RXRA: variants seen among roughly 807,000 people sequenced by gnomAD.
RXRA encodes the protein retinoid X receptor alpha, also known as retinoic acid receptor RXR-alpha.
In RXRA, 5 loss-of-function variants were observed where a neutral mutation model predicts 44.5. The observed-to-expected ratio is 0.11, with a 90% CI of 0.06 to 0.24. The LOEUF (loss-of-function observed/expected upper bound fraction) is 0.24, where lower values mean the gene tolerates loss of function less well. Among genes scored for constraint, RXRA ranks in the 10% least tolerant of loss-of-function variants. The pLI is 1.00. For missense variants in RXRA, 412 were observed against 646.5 expected (o/e 0.64, Z 3.93); for synonymous variants, 291 against 271.4 (o/e 1.07, Z -0.71).
chr9:134,432,674 C>T (rs1161583254), intron 8 of RXRA, among the ~76,000 whole-genome samples: 2 of 152,258 alleles, frequency 1.3e-5, no homozygotes, highest in Non-Finnish European at 2.9e-5. Context: ...ATAGGGCTTG[C>T]CTGCCTAGAG....
rs781961164 is a variant in RXRA at position 134,342,697 on chromosome 9, A to T, written c.28+16038A>T. ...GGGCCATGTGTGGTCTCCAGGGCTG[A>T]GATGGCTGGTGTGGGCCGCCCTGAC... On this transcript the variant is annotated intron_variant, in intron 1 of 9. Transcript: ENST00000481739. This position sits in a 1 kb window ranked among gnomAD's most constrained non-coding sequence, Gnocchi z 4.4. Among the ~76,000 whole-genome samples the T allele has an allele frequency of 5.3e-5, 8 of 152,102 alleles. No homozygotes were observed. The highest frequency in any genetic ancestry group is 8.8e-5 in the Non-Finnish European group (6 of 67,996).
chr9:134,335,812 GCTGGGGCCCTTCC>G (rs1829993122), intron 1 of RXRA, among the ~76,000 whole-genome samples: 1 of 152,132 alleles, frequency 6.6e-6, no homozygotes, highest in Non-Finnish European at 1.5e-5. Flanking sequence ...GGGAGGAACG[GCTGGGGCCCTTCC>G]CTACCACCTA....
chr9:134,418,690 G>A (rs1197034680), intron 5 of RXRA, among the ~76,000 whole-genome samples: 2 of 152,204 alleles, frequency 1.3e-5, no homozygotes, highest in African/African-American at 4.8e-5. Flanking sequence ...TGGGCTGAGA[G>A]CACCTGATCT....
chr9:134,354,405 C>G (rs913517312), intron 1 of RXRA, among the ~76,000 whole-genome samples: 7 of 152,184 alleles, frequency 4.6e-5, no homozygotes, highest in Non-Finnish European at 8.8e-5. Flanking sequence ...AGGAGGTGGT[C>G]GGTGCGTGTG....
At chr9:134,376,111 T>C (rs1423266443) in intron 1 of RXRA, among the ~76,000 whole-genome samples, 1 of 152,170 alleles carries the variant, frequency 6.6e-6, no homozygotes, top group Non-Finnish European at 1.5e-5. Context: ...AGTTGGGATC[T>C]TCCTTAGGAA....
At chr9:134,374,376 G>A (rs1830527082) in intron 1 of RXRA, among the ~76,000 whole-genome samples, 2 of 152,206 alleles carry the variant, frequency 1.3e-5, no homozygotes, top group South Asian at 4.1e-4. Context: ...GCTGCTCCCG[G>A]CCTGAGGGTG....
intron 1 of RXRA, among the ~76,000 whole-genome samples, chr9:134,384,883 A>G (rs1371594233): frequency 1.3e-5 from 2 of 152,126 alleles, no homozygotes; most frequent in Non-Finnish European, 2.9e-5. Context: ...CCGCCTGCAG[A>G]AGGGTTTTCA....
At chr9:134,388,416 G>C (rs962902241) in intron 1 of RXRA, among the ~76,000 whole-genome samples, 3 of 152,206 alleles carry the variant, frequency 2.0e-5, no homozygotes, top group African/African-American at 7.2e-5. Context: ...GGAATGACTT[G>C]GGATGTTGTT....
Position 134,366,566 on chromosome 9 carries a change from G to A in RXRA, c.29-35066G>A, listed in dbSNP as rs1238001848. On this transcript the variant is annotated intron_variant, in intron 1 of 9. Coordinates refer to ENST00000481739, the MANE Select transcript of RXRA (RefSeq NM_002957.6). The surrounding 1 kb of genome is among the most constrained non-coding windows in gnomAD (Gnocchi z 5.9). ...CAGGTCCCCCGGGTGCTGGCCTGGG[G>A]ACAGCACCACAGGGCCCAGCCAGGG... Among the ~76,000 whole-genome samples, 2 of 152,152 alleles carry A rather than the reference G, an allele frequency of 1.3e-5. No individual in the cohort carries two copies. Among genetic ancestry groups the A allele is most frequent in the African/African-American group, 2.4e-5 (1 of 41,424 alleles).
At chr9:134,400,505 C>T (rs1053027124) in intron 1 of RXRA, among the ~76,000 whole-genome samples, 1 of 152,188 alleles carries the variant, frequency 6.6e-6, no homozygotes. Context: ...GCCCCGTGTG[C>T]CCAGCCCGTC....
rs563166812 is a variant in RXRA at position 134,355,800 on chromosome 9, G to C, written c.28+29141G>C. Among the ~76,000 whole-genome samples the C allele has an allele frequency of 2.2e-3, 329 of 152,324 alleles. 1 individual carries two copies. Among genetic ancestry groups the C allele is most frequent in the African/African-American group, 7.6e-3 (315 of 41,578 alleles). On this transcript the variant is annotated intron_variant, in intron 1 of 9. Coordinates refer to ENST00000481739, the MANE Select transcript of RXRA (RefSeq NM_002957.6). Reference sequence around the variant, plus strand: ...CTGGCCCGTTGTGCAACCTGCAGCTGTGCAGGAGAATTCCTCCCAGGGCCC... The same window carrying C: ...CTGGCCCGTTGTGCAACCTGCAGCTCTGCAGGAGAATTCCTCCCAGGGCCC...
At position 134,365,953 on chromosome 9, in the gene RXRA, C is replaced by T. The variant is rs1470697715; in HGVS notation, c.29-35679C>T. The stretch of plus-strand genomic sequence containing the variant: ...ACAGTTGTGGCTGCCTCCAGTCAGG[C>T]GTCCGCTGAGCGACCCCTAGGAGCC... On this transcript the variant is annotated intron_variant, in intron 1 of 9. Coordinates refer to ENST00000481739, the MANE Select transcript of RXRA (RefSeq NM_002957.6). The surrounding 1 kb of genome is among the most constrained non-coding windows in gnomAD (Gnocchi z 4.0). 6.6e-6 allele frequency among the ~76,000 whole-genome samples: 1 copy of T among 152,036 alleles called. No individual in the cohort carries two copies.
chr9:134,391,787 T>G (rs1295628729), intron 1 of RXRA, among the ~76,000 whole-genome samples: 1 of 152,076 alleles, frequency 6.6e-6, no homozygotes, highest in African/African-American at 2.4e-5. Context: ...GGCCAAGGGG[T>G]GGACCGAGGC....
At chr9:134,356,097 G>A (rs1830280279) in intron 1 of RXRA, among the ~76,000 whole-genome samples, 1 of 152,156 alleles carries the variant, frequency 6.6e-6, no homozygotes, top group African/African-American at 2.4e-5. Flanking sequence ...TTTCCCTGGT[G>A]ACCTGGAAAA....
At chr9:134,381,519 C>A (rs560420783) in intron 1 of RXRA, among the ~76,000 whole-genome samples, 1 of 152,132 alleles carries the variant, frequency 6.6e-6, no homozygotes, top group African/African-American at 2.4e-5. Flanking sequence ...AAGGGCCAGG[C>A]CCAGGGCTGA....
At chr9:134,412,014 G>T (rs1442186159) in intron 4 of RXRA, among the ~76,000 whole-genome samples, 2 of 152,204 alleles carry the variant, frequency 1.3e-5, no homozygotes, top group East Asian at 3.8e-4. Flanking sequence ...CCCGGCCTGC[G>T]TCTGGGTGCT....
chr9:134,375,673 G>A (rs1308185836), intron 1 of RXRA, among the ~76,000 whole-genome samples: 2 of 152,180 alleles, frequency 1.3e-5, no homozygotes, highest in African/African-American at 2.4e-5. Flanking sequence ...GCCCGGGGCC[G>A]GCAGCTCTGG....
intron 1 of RXRA, among the ~76,000 whole-genome samples, chr9:134,393,287 C>T (rs1830827342): frequency 6.6e-6 from 1 of 152,190 alleles, no homozygotes; most frequent in Admixed American, 6.5e-5. Flanking sequence ...TCACAGAGGA[C>T]CAGGGGTCTG....
At chr9:134,351,770 C>A (rs1830224537) in intron 1 of RXRA, among the ~76,000 whole-genome samples, 1 of 152,238 alleles carries the variant, frequency 6.6e-6, no homozygotes, top group Non-Finnish European at 1.5e-5. Context: ...TGTTTTTAAC[C>A]ATCAGAACGC....
Sources: gnomAD v4.1 joint callset for allele counts (sites outside exome capture counted in the v4.1 genomes callset) on GRCh38, gnomAD v4.1.1 for gene constraint, Gnocchi (gnomAD v3.1) non-coding constraint, MANE v1.5 for transcripts, NCBI Gene and HGNC (gene_info 2026-07-23, HGNC 2026-07-21) for gene names.